Variants in GPC5 observed in about 807,000 individuals in gnomAD.
The protein encoded by GPC5 is glypican-5.
A neutral mutation model predicts 53.9 loss-of-function variants in GPC5; 47 were observed. The ratio of observed to expected loss-of-function variants is 0.87; its 90% CI spans 0.69 to 1.11. The LOEUF is 1.11. Among genes scored for constraint, GPC5 ranks in the 50% most tolerant of loss-of-function variants. The pLI is 0.00. For missense variants in GPC5, 748 were observed against 713.1 expected, an observed-to-expected ratio of 1.05 and a Z score of -0.56; for synonymous variants, 286 against 263.3, an observed-to-expected ratio of 1.09 and a Z score of -0.84.
chr13:92,158,437 T>A (rs1329368378), intron 7 of GPC5, among the ~76,000 whole-genome samples: 1 of 152,112 alleles, frequency 6.6e-6, no homozygotes, highest in African/African-American at 2.4e-5. Flanking sequence ...AACAGTTAGC[T>A]CTAGGTCTTC....
At chr13:92,019,825 T>C (rs927119225) in intron 6 of GPC5, among the ~76,000 whole-genome samples, 2 of 152,126 alleles carry the variant, frequency 1.3e-5, no homozygotes, top group South Asian at 2.1e-4. Context: ...CTTTATTTCA[T>C]GTATAGTGGC....
intron 7 of GPC5, among the ~76,000 whole-genome samples, chr13:92,513,471 GT>G (rs35892694): frequency 0.044 from 4,134 of 93,394 alleles, 206 homozygotes; most frequent in African/African-American, 0.13. Flanking sequence ...GCTTTTTTCT[GT>G]TTTTTTTTTT....
At chr13:92,770,993 T>C (rs1268916108) in intron 7 of GPC5, among the ~76,000 whole-genome samples, 2 of 152,142 alleles carry the variant, frequency 1.3e-5, no homozygotes, top group African/African-American at 4.8e-5. Flanking sequence ...CACGAGGATA[T>C]GGGAGGTGTC....
intron 7 of GPC5, among the ~76,000 whole-genome samples, chr13:92,429,065 A>C (rs182306087): frequency 1.5e-4 from 23 of 152,244 alleles, no homozygotes; most frequent in African/African-American, 4.8e-4. Flanking sequence ...TACATAAATT[A>C]AAAGTTAAGA....
intron 7 of GPC5, among the ~76,000 whole-genome samples, chr13:92,442,780 C>G (rs1877627047): frequency 6.6e-6 from 1 of 152,126 alleles, no homozygotes; most frequent in African/African-American, 2.4e-5. Context: ...ATAAGAGTAT[C>G]AGGTCTACAT....
intron 4 of GPC5, among the ~76,000 whole-genome samples, chr13:91,741,215 G>GT (rs1042216961): frequency 6.6e-5 from 10 of 152,028 alleles, no homozygotes; most frequent in Non-Finnish European, 1.2e-4. Context: ...TAAATTTTGA[G>GT]TTTTTTTCAA....
intron 7 of GPC5, among the ~76,000 whole-genome samples, chr13:92,260,192 T>G (rs1390154887): frequency 6.6e-6 from 1 of 152,126 alleles, no homozygotes; most frequent in Non-Finnish European, 1.5e-5. Flanking sequence ...CTACCTTGGG[T>G]ATGGGGAGGA....
At chr13:92,647,445 C>T (rs35877401) in intron 7 of GPC5, among the ~76,000 whole-genome samples, 46,559 of 152,022 alleles carry the variant, frequency 0.31, 9,150 homozygotes, top group Non-Finnish European at 0.45. Flanking sequence ...TGAATCTAAG[C>T]TGCCTACATA....
intron 6 of GPC5, chr13:91,996,470 G>C (rs2040504880): frequency 6.6e-6 from 1 of 152,210 alleles, no homozygotes. Flanking sequence ...AGTAGAATGA[G>C]ACTTTTATAA....
intron 5 of GPC5, among the ~76,000 whole-genome samples, chr13:91,898,695 A>G (rs1490288165): frequency 1.3e-5 from 2 of 151,642 alleles, no homozygotes; most frequent in Admixed American, 6.6e-5. Context: ...AAAAAAATCT[A>G]TTAGGTTATA....
chr13:92,596,212 T>A (rs1272835618), intron 7 of GPC5, among the ~76,000 whole-genome samples: 1 of 152,178 alleles, frequency 6.6e-6, no homozygotes, highest in East Asian at 1.9e-4. Context: ...AGGCCTCTAT[T>A]CTTTTCACTG....
chr13:92,138,957 G>T (rs1594778472), intron 6 of GPC5, among the ~76,000 whole-genome samples: 1 of 152,164 alleles, frequency 6.6e-6, no homozygotes, highest in East Asian at 1.9e-4. Flanking sequence ...ATCCATTTTT[G>T]AAAATATTCC....
chr13:92,544,844 C>A (rs927321632), intron 7 of GPC5, among the ~76,000 whole-genome samples: 1 of 151,832 alleles, frequency 6.6e-6, no homozygotes, highest in African/African-American at 2.4e-5. Flanking sequence ...ATCATCTATT[C>A]CTTTTTTATG....
intron 1 of GPC5, among the ~76,000 whole-genome samples, chr13:91,432,211 G>GC (rs1231375785): frequency 9.0e-4 from 110 of 121,678 alleles, no homozygotes; most frequent in African/African-American, 3.2e-3. Context: ...TGCTGTGTGT[G>GC]TGTGTGTGTG....
At chr13:91,658,702 C>T (rs997035619) in intron 2 of GPC5, among the ~76,000 whole-genome samples, 4 of 152,160 alleles carry the variant, frequency 2.6e-5, no homozygotes, top group Admixed American at 1.3e-4. Flanking sequence ...TTCCTAAGCT[C>T]TGTGGGGTCT....
chr13:92,648,487 T>A (rs138313854), intron 7 of GPC5, among the ~76,000 whole-genome samples: 1 of 152,242 alleles, frequency 6.6e-6, no homozygotes, highest in East Asian at 1.9e-4. Context: ...GCAGATTTAA[T>A]TATTTGGGTA....
chr13:91,993,303 A>G (rs906770971), intron 6 of GPC5, among the ~76,000 whole-genome samples: 2 of 151,914 alleles, frequency 1.3e-5, no homozygotes, highest in Admixed American at 1.3e-4. Flanking sequence ...CTGCAATTCT[A>G]CACTTTAAAA....
chr13:91,478,883 A>ATATG (rs1883136725), intron 2 of GPC5, among the ~76,000 whole-genome samples: 1 of 115,224 alleles, frequency 8.7e-6, no homozygotes. Context: ...TATACACATT[A>ATATG]TATATATATA....
chr13:91,659,965 C>T (rs548413838), intron 2 of GPC5, among the ~76,000 whole-genome samples: 10 of 152,122 alleles, frequency 6.6e-5, no homozygotes, highest in Admixed American at 5.9e-4. Context: ...TTGAGTTTGG[C>T]AGAGAATCAA....
Sources: gnomAD v4.1 joint callset for allele counts (sites outside exome capture counted in the v4.1 genomes callset) on GRCh38, gnomAD v4.1.1 for gene constraint, MANE v1.5 for transcripts, NCBI Gene and HGNC (gene_info 2026-07-23, HGNC 2026-07-21) for gene names.